Variants in GRID1 observed in about 807,000 individuals in gnomAD.
GRID1 encodes the protein glutamate ionotropic receptor delta type subunit 1.
In GRID1, 28 loss-of-function variants were observed where a neutral mutation model predicts 98.0. The observed-to-expected ratio is 0.29, with a 90% CI of 0.21 to 0.39. The LOEUF is 0.39. GRID1 is among the 10% of genes least tolerant of loss of function. The pLI, the probability that GRID1 is intolerant of heterozygous loss-of-function variation, is 1.00. For missense variants in GRID1, 1,111 were observed against 1,340.5 expected (o/e 0.83, Z 2.67); for synonymous variants, 553 against 538.5 (o/e 1.03, Z -0.37).
chr10:85,770,083 G>A (rs1365962396), intron 8 of GRID1, among the ~76,000 whole-genome samples: 1 of 152,134 alleles, frequency 6.6e-6, no homozygotes, highest in Non-Finnish European at 1.5e-5. Flanking sequence ...CCCCCAGTAG[G>A]GGCAGACTGA....
chr10:85,653,932 C>G (rs1590176351), intron 12 of GRID1, among the ~76,000 whole-genome samples: 1 of 152,182 alleles, frequency 6.6e-6, no homozygotes, highest in South Asian at 2.1e-4. Flanking sequence ...AATAAACTAC[C>G]CAGTTTAAGG....
At chr10:85,816,604 G>A (rs770486898) in intron 8 of GRID1, among the ~76,000 whole-genome samples, 59 of 152,212 alleles carry the variant, frequency 3.9e-4, no homozygotes, top group Non-Finnish European at 7.6e-4. Context: ...CCATGTTGGT[G>A]GATACATGAC....
chr10:86,205,953 G>T (rs768134524), intron 3 of GRID1, among the ~76,000 whole-genome samples: 4 of 152,084 alleles, frequency 2.6e-5, no homozygotes, highest in Non-Finnish European at 5.9e-5. Context: ...GGCAGATTGC[G>T]ATGGATGGAG....
chr10:85,827,291 CAGAT>C (rs1303590673), intron 8 of GRID1, among the ~76,000 whole-genome samples: 1 of 151,998 alleles, frequency 6.6e-6, no homozygotes, highest in African/African-American at 2.4e-5. Context: ...CCAAATTCAT[CAGAT>C]AGAGCTAAAA....
chr10:85,698,801 A>T (rs887974253), intron 12 of GRID1, among the ~76,000 whole-genome samples: 1 of 152,214 alleles, frequency 6.6e-6, no homozygotes, highest in African/African-American at 2.4e-5. Context: ...TCATGTCCTC[A>T]CCAGCATTTG....
At chr10:86,292,943 T>C (rs566097455) in intron 2 of GRID1, among the ~76,000 whole-genome samples, 1 of 152,176 alleles carries the variant, frequency 6.6e-6, no homozygotes, top group East Asian at 1.9e-4. Context: ...TGGGGGCAGA[T>C]GGATGGGCCC....
At chr10:85,897,725 T>G (rs1841313813) in intron 5 of GRID1, among the ~76,000 whole-genome samples, 1 of 152,224 alleles carries the variant, frequency 6.6e-6, no homozygotes, top group Non-Finnish European at 1.5e-5. Context: ...TTATCAATTT[T>G]TTTGTGATGA....
intron 12 of GRID1, among the ~76,000 whole-genome samples, chr10:85,719,760 C>G (rs1408593897): frequency 6.6e-6 from 1 of 152,072 alleles, no homozygotes; most frequent in Non-Finnish European, 1.5e-5. Flanking sequence ...AAAAAAAGCC[C>G]TCAGCCTATG....
chr10:86,100,322 C>A (rs1314560624), intron 4 of GRID1, among the ~76,000 whole-genome samples: 1 of 152,060 alleles, frequency 6.6e-6, no homozygotes, highest in Admixed American at 6.6e-5. Flanking sequence ...TCTCATATAT[C>A]ATCTCAATAA....
intron 8 of GRID1, among the ~76,000 whole-genome samples, chr10:85,808,278 G>A (rs560669019): frequency 2.0e-5 from 3 of 152,256 alleles, no homozygotes; most frequent in Admixed American, 2.0e-4. Flanking sequence ...AGCACGGAAT[G>A]AGAGTCTCAC....
At chr10:85,654,392 G>T (rs1840870046) in intron 12 of GRID1, among the ~76,000 whole-genome samples, 1 of 152,206 alleles carries the variant, frequency 6.6e-6, no homozygotes. Flanking sequence ...GTGAATGCCT[G>T]CAAGACTTCC....
chr10:86,008,966 T>A (rs1468097560), intron 4 of GRID1, among the ~76,000 whole-genome samples: 1 of 152,184 alleles, frequency 6.6e-6, no homozygotes, highest in Non-Finnish European at 1.5e-5. Flanking sequence ...TCATGTCTAA[T>A]GCCTATCAAC....
At chr10:86,039,731 G>T (rs1308879846) in intron 4 of GRID1, among the ~76,000 whole-genome samples, 1 of 152,206 alleles carries the variant, frequency 6.6e-6, no homozygotes, top group Non-Finnish European at 1.5e-5. Context: ...CCTAAGCAAT[G>T]CATTTGTCGG....
intron 12 of GRID1, among the ~76,000 whole-genome samples, chr10:85,667,290 C>T (rs1300881206): frequency 1.3e-5 from 2 of 149,738 alleles, no homozygotes; most frequent in African/African-American, 5.0e-5. Context: ...TGATATGTAG[C>T]AACTCTTTCT....
chr10:86,053,476 G>GC (rs1194466438), intron 4 of GRID1, among the ~76,000 whole-genome samples: 3 of 151,884 alleles, frequency 2.0e-5, no homozygotes, highest in African/African-American at 4.8e-5. Context: ...TCCTGCCTCA[G>GC]CCTCCTTGAG....
At chr10:86,223,869 G>C (rs1846298653) in intron 2 of GRID1, among the ~76,000 whole-genome samples, 1 of 152,176 alleles carries the variant, frequency 6.6e-6, no homozygotes, top group Non-Finnish European at 1.5e-5. Flanking sequence ...CGAGGGACCA[G>C]CAAGTGATGG....
chr10:85,691,312 T>C (rs1334752494), intron 12 of GRID1, among the ~76,000 whole-genome samples: 3 of 152,246 alleles, frequency 2.0e-5, no homozygotes, highest in Non-Finnish European at 2.9e-5. Context: ...TTTAGCATTT[T>C]TCACCAATTG....
chr10:86,191,329 G>A (rs1845799867), intron 3 of GRID1, among the ~76,000 whole-genome samples: 1 of 152,168 alleles, frequency 6.6e-6, no homozygotes, highest in South Asian at 2.1e-4. Flanking sequence ...TCTTGAGGAT[G>A]GAGGAATAGC....
intron 4 of GRID1, among the ~76,000 whole-genome samples, chr10:86,061,111 G>C (rs1352397659): frequency 2.6e-5 from 4 of 152,026 alleles, no homozygotes; most frequent in Non-Finnish European, 4.4e-5. Flanking sequence ...CACCTCCTGG[G>C]GGTACTCTAC....
Sources: allele counts gnomAD v4.1 joint callset (sites outside exome capture counted in the v4.1 genomes callset), GRCh38; gene constraint gnomAD v4.1.1; transcripts MANE v1.5; gene names NCBI Gene and HGNC (gene_info 2026-07-23, HGNC 2026-07-21).